LEMD3: variants seen among roughly 807,000 people sequenced by gnomAD.
The protein encoded by LEMD3 is inner nuclear membrane protein Man1.
LEMD3 carries 33 observed loss-of-function variants against 95.2 expected under a neutral mutation model. The ratio of observed to expected loss-of-function variants is 0.35; its 90% confidence interval spans 0.26 to 0.46. The LOEUF (loss-of-function observed/expected upper bound fraction) is 0.46. Among genes scored for constraint, LEMD3 ranks in the 20% least tolerant of loss-of-function variants. The pLI is 1.00. For synonymous variants in LEMD3, 525 were observed against 474.6 expected, an observed-to-expected ratio of 1.11 and a Z score of -1.38; for missense variants, 1,210 against 1,192.8, an observed-to-expected ratio of 1.01 and a Z score of -0.21.
Position 65,169,620 on chromosome 12 carries a change from G to C in LEMD3, c.24G>C (p.Ala8=), listed in dbSNP as rs1380930067. 1.9e-6 allele frequency: 3 copies of C among 1,588,588 alleles called. No individual in the cohort carries two copies. The highest frequency in any genetic ancestry group is 1.7e-6 in the Non-Finnish European group (2 of 1,169,702). Residue 8 remains alanine (A), a synonymous_variant, in exon 1 of 13, where the codon GCG becomes GCC. Coordinates refer to ENST00000308330, the MANE Select transcript of LEMD3 (RefSeq NM_014319.5). MAAAAAS[A]PQQLSDEELF... is the part of the protein sequence containing the mutation. ...AAATGGCGGCGGCAGCAGCTTCGGC[G>C]CCTCAGCAGCTCTCGGATGAGGAGC...
intron 4 of LEMD3, among the ~76,000 whole-genome samples, chr12:65,234,496 GTA>G (rs1029473071): frequency 3.9e-5 from 6 of 152,014 alleles, no homozygotes; most frequent in African/African-American, 1.5e-4. Flanking sequence ...CTAGAATGCC[GTA>G]TATATATTTG....
intron 4 of LEMD3, among the ~76,000 whole-genome samples, chr12:65,226,950 C>T (rs1486473872): frequency 6.6e-6 from 1 of 152,084 alleles, no homozygotes; most frequent in Non-Finnish European, 1.5e-5. Context: ...TGTTTATTGT[C>T]TTTATTTTCA....
rs1870696694 is a variant in LEMD3, at chr12:65,233,735, T to C, written c.1696-4767T>C. Among the ~76,000 whole-genome samples the C allele has an allele frequency of 4.6e-5, 7 of 152,200 alleles. No homozygotes were observed. In the South Asian group the frequency reaches 1.4e-3, roughly 31 times the overall value. Reference sequence around the variant, plus strand: ...CCTATACCAGTGCCTTTTTCCCTTCTTACTAACTAAAGTTTTGTTGCCTTA... The same window carrying C: ...CCTATACCAGTGCCTTTTTCCCTTCCTACTAACTAAAGTTTTGTTGCCTTA... On this transcript the variant is annotated intron_variant, in intron 4 of 12. Transcript: ENST00000308330.
rs754174270 is a variant in LEMD3 at position 65,169,695 on chromosome 12, G to A, written c.99G>A (p.Glu33=). Reference sequence around the variant, plus strand: ...GCCTGTCTCCCGGACCAGTGACGGAGAGCACCCGCCCGGTCTACCTCAAGA... The same window carrying A: ...GCCTGTCTCCCGGACCAGTGACGGAAAGCACCCGCCCGGTCTACCTCAAGA... ...RYGLSPGPVT[E]STRPVYLKKL... is the part of the protein sequence containing the mutation. Residue 33 remains glutamate (E), a synonymous_variant, in exon 1 of 13, where the codon GAG becomes GAA. Coordinates refer to ENST00000308330, the MANE Select transcript of LEMD3 (RefSeq NM_014319.5). The A allele has an allele frequency of 8.8e-6, 14 of 1,585,064 alleles. No homozygotes were observed. In the Admixed American group the frequency reaches 2.2e-4, roughly 24 times the overall value.
chr12:65,194,306 C>T (rs1404148439), intron 1 of LEMD3, among the ~76,000 whole-genome samples: 2 of 152,068 alleles, frequency 1.3e-5, no homozygotes, highest in African/African-American at 4.8e-5. Context: ...AGGGGAATTG[C>T]AATAGAGAAA....
intron 4 of LEMD3, among the ~76,000 whole-genome samples, chr12:65,227,472 C>T (rs1383235747): frequency 1.3e-5 from 2 of 152,016 alleles, no homozygotes; most frequent in African/African-American, 2.4e-5. Context: ...GGATTACTTC[C>T]GGGACCCCCA....
intron 2 of LEMD3, among the ~76,000 whole-genome samples, chr12:65,213,568 T>C (rs1870010288): frequency 6.6e-6 from 1 of 152,190 alleles, no homozygotes; most frequent in Non-Finnish European, 1.5e-5. Context: ...TAAAAAACTA[T>C]AGTTGAGCTT....
intron 4 of LEMD3, among the ~76,000 whole-genome samples, chr12:65,227,370 A>G (rs1483798984): frequency 2.0e-5 from 3 of 152,152 alleles, no homozygotes; most frequent in African/African-American, 4.8e-5. Flanking sequence ...ATGATTGGTC[A>G]TAAATTCCTG....
In LEMD3 at chr12:65,216,025, C is replaced by T. The variant is rs1870100373; in HGVS notation, c.1609C>T (p.Arg537Ter). The change falls in exon 3 of 13, where the codon CGA becomes TGA. Residue 537 changes from arginine (R) to a stop codon, truncating the protein, a stop_gained. Coordinates refer to ENST00000308330, the MANE Select transcript of LEMD3 (RefSeq NM_014319.5). LOFTEE classifies it high-confidence loss of function. ...MMNTLYKLHD[R>*]LAQLAGDHEC... ...GAACACATTATATAAGCTTCATGAT[C>T]GATTGGCACAGCTTGCAGGTAATTG... is the stretch of plus-strand genomic sequence containing the variant. The T allele has an allele frequency of 1.3e-6, 2 of 1,588,972 alleles. No individual in the cohort carries two copies. Among genetic ancestry groups the T allele is most frequent in the Non-Finnish European group, 1.7e-6 (2 of 1,162,090 alleles).
At chr12:65,241,196 C>A in intron 9 of LEMD3, 109 bp downstream of exon 9, 1 of 924,330 alleles carries the variant, frequency 1.1e-6, no homozygotes, top group Non-Finnish European at 1.7e-6. Flanking sequence ...GCAAAACTCT[C>A]TCGTTCTGTT....
rs763640371 is a variant in LEMD3 at position 65,245,660 on chromosome 12, A to C, written c.2388-9A>C. On this transcript the variant is annotated splice_polypyrimidine_tract_variant and intron_variant, in intron 10 of 12. Transcript: ENST00000308330. ...ATGGTTGTTGATTTTTGTTTTCATT[A>C]ACTTTTAGGGAAATAGGGGATCAGT... 39 of 1,604,970 alleles carry C rather than the reference A, an allele frequency of 2.4e-5. No individual in the cohort carries two copies. The highest frequency in any genetic ancestry group is 3.0e-5 in the Non-Finnish European group (35 of 1,171,906).
At chr12:65,218,942 C>T (rs888288202) in intron 4 of LEMD3, among the ~76,000 whole-genome samples, 1 of 152,012 alleles carries the variant, frequency 6.6e-6, no homozygotes, top group Non-Finnish European at 1.5e-5. Context: ...GCACCCACCA[C>T]CTCGCCCAGC....
At chr12:65,239,254 C>T (rs2136354248) in intron 6 of LEMD3, among the ~76,000 whole-genome samples, 1 of 151,894 alleles carries the variant, frequency 6.6e-6, no homozygotes, top group Non-Finnish European at 1.5e-5. Context: ...TTTCTTTCTT[C>T]TTTAAAAATA....
At chr12:65,237,938 T>G (rs531865347) in intron 4 of LEMD3, among the ~76,000 whole-genome samples, 1 of 152,146 alleles carries the variant, frequency 6.6e-6, no homozygotes, top group South Asian at 2.1e-4. Flanking sequence ...AGTGGTAAAT[T>G]CACTCTTATG....
rs577687871 is a variant in LEMD3 at position 65,200,330 on chromosome 12, TGCTCGAGCC to T, written c.1523-10595_1523-10587del. On this transcript the variant is annotated intron_variant, in intron 1 of 12. Coordinates refer to ENST00000308330, the MANE Select transcript of LEMD3 (RefSeq NM_014319.5). Reference sequence around the variant, plus strand: ...CTGTAACCAGTGCTCTTGAGCCACTTGCTCGAGCCTGCTCCCATTCTGTTGAGTGTACTT... The same window carrying T: ...CTGTAACCAGTGCTCTTGAGCCACTTTGCTCCCATTCTGTTGAGTGTACTT... 3.2e-4 allele frequency among the ~76,000 whole-genome samples: 49 copies of T among 152,280 alleles called. 1 individual carries two copies. The highest frequency in any genetic ancestry group is 1.1e-3 in the African/African-American group (44 of 41,580).
intron 3 of LEMD3, among the ~76,000 whole-genome samples, chr12:65,218,169 G>A (rs979240191): frequency 6.6e-6 from 1 of 152,090 alleles, no homozygotes; most frequent in Non-Finnish European, 1.5e-5. Context: ...TCCCTTTTAG[G>A]AATAATACAT....
intron 2 of LEMD3, among the ~76,000 whole-genome samples, chr12:65,212,871 A>C (rs1869984265): frequency 6.6e-6 from 1 of 152,238 alleles, no homozygotes; most frequent in Non-Finnish European, 1.5e-5. Flanking sequence ...AAAGCAGTCA[A>C]AATGGAAGAA....
At chr12:65,240,352 A>C in intron 8 of LEMD3, 114 bp downstream of exon 8, 1 of 805,924 alleles carries the variant, frequency 1.2e-6, no homozygotes. Context: ...CTTACTGCAC[A>C]GGTTTTTTTT....
At chr12:65,211,989 G>A (rs1034512221) in intron 2 of LEMD3, among the ~76,000 whole-genome samples, 1 of 152,156 alleles carries the variant, frequency 6.6e-6, no homozygotes, top group African/African-American at 2.4e-5. Flanking sequence ...CTGTTCTCAT[G>A]CTGCTAATAA....
Sources: allele counts gnomAD v4.1 joint callset (sites outside exome capture counted in the v4.1 genomes callset), GRCh38; gene constraint gnomAD v4.1.1; transcripts MANE v1.5; gene names NCBI Gene and HGNC (gene_info 2026-07-23, HGNC 2026-07-21).